Variants in A4GNT observed in about 807,000 individuals in gnomAD.
A4GNT encodes the protein alpha-1,4-N-acetylglucosaminyltransferase.
A4GNT carries 6 observed loss-of-function variants against 8.3 expected under a neutral mutation model. That is an observed-to-expected ratio of 0.72 (90% CI 0.39 to 1.42). The LOEUF is 1.42. Among genes scored for constraint, A4GNT ranks in the 40% most tolerant of loss-of-function variants. The pLI, the probability that A4GNT is intolerant of heterozygous loss-of-function variation, is 0.02. For missense variants in A4GNT, 377 were observed against 417.0 expected (o/e 0.90, Z 0.84); for synonymous variants, 157 against 159.8 (o/e 0.98, Z 0.13).
rs757747703 is a variant in A4GNT at position 138,124,247 on chromosome 3, G to A, written c.*17C>T. 1 of 1,603,572 alleles carries A rather than the reference G, an allele frequency of 6.2e-7. No individual in the cohort carries two copies. The highest frequency in any genetic ancestry group is 8.5e-7 in the Non-Finnish European group (1 of 1,173,318). On this transcript the variant is annotated 3_prime_UTR_variant, in exon 3 of 3. Transcript: ENST00000236709. ...TGTCCATTTCCACACTGCAGCAGCAGCAAACGAGTGTTAGCTTTATTTGTT... is the reference window on the plus strand; with the variant it reads ...TGTCCATTTCCACACTGCAGCAGCAACAAACGAGTGTTAGCTTTATTTGTT...
chr3:138,131,121 G>C lies in A4GNT; in HGVS notation c.136C>G (p.Leu46Val), dbSNP rs1249053967. 1 of 1,613,692 alleles carries C rather than the reference G, an allele frequency of 6.2e-7. No homozygotes were observed. Residue 46 changes from leucine (L) to valine (V), a missense_variant, in exon 2 of 3, where the codon CTG becomes GTG. Coordinates refer to ENST00000236709, the MANE Select transcript of A4GNT (RefSeq NM_016161.3). ...FKSHQGLEAL[L>V]SHRRGIVFLE... ...AACACAATGCCACGTCTGTGGCTCAGGAGGGCTTCCAGCCCCTGGTGGGAC... is the reference window on the plus strand; with the variant it reads ...AACACAATGCCACGTCTGTGGCTCACGAGGGCTTCCAGCCCCTGGTGGGAC...
Position 138,131,162 on chromosome 3 carries a change from C to G in A4GNT, c.95G>C (p.Cys32Ser). Residue 32 changes from cysteine to serine, a missense_variant, in exon 2 of 3, where the codon TGT becomes TCT. Coordinates refer to ENST00000236709, the MANE Select transcript of A4GNT (RefSeq NM_016161.3). Reference protein sequence around the residue: ...QFTLKSSCLFCLPSFKSHQGL... With the variant: ...QFTLKSSCLFSLPSFKSHQGL... ...CTGGTGGGACTTGAAAGAAGGCAAA[C>G]AGAAGAGGCAGCTGGACTTCAGGGT... 1 of 1,613,238 alleles carries G rather than the reference C, an allele frequency of 6.2e-7. No homozygotes were observed. The highest frequency in any genetic ancestry group is 1.1e-5 in the South Asian group (1 of 91,040).
chr3:138,128,195 C>G (rs1445767142), intron 2 of A4GNT, among the ~76,000 whole-genome samples: 1 of 151,982 alleles, frequency 6.6e-6, no homozygotes, highest in Non-Finnish European at 1.5e-5. Flanking sequence ...GCAGCTTCTC[C>G]CAAAATAATT....
rs776276585 is a variant in A4GNT, at chr3:138,131,054, G to T, written c.203C>A (p.Ser68Tyr). 3.5e-5 allele frequency: 57 copies of T among 1,613,930 alleles called. No homozygotes were observed. Among genetic ancestry groups the T allele is most frequent in the Non-Finnish European group, 4.8e-5 (57 of 1,179,946 alleles). ...SERMEPPHLV[S>Y]CSVESAAKIY... The stretch of plus-strand genomic sequence containing the variant: ...CTTGGCAGCAGACTCTACGGAACAG[G>T]AGACCAAATGGGGTGGCTCCATTCT... Residue 68 changes from serine to tyrosine, a missense_variant, in exon 2 of 3, where the codon TCC becomes TAC. Coordinates refer to ENST00000236709, the MANE Select transcript of A4GNT (RefSeq NM_016161.3).
chr3:138,130,763 C>A, intron 2 of A4GNT, 86 bp downstream of exon 2: 1 of 1,458,838 alleles, frequency 6.9e-7, no homozygotes, highest in African/African-American at 1.4e-5. Flanking sequence ...AATGTGGGTT[C>A]TATTCCCATC....
chr3:138,127,834 C>A (rs2042755052), intron 2 of A4GNT, among the ~76,000 whole-genome samples: 1 of 152,156 alleles, frequency 6.6e-6, no homozygotes, highest in Non-Finnish European at 1.5e-5. Context: ...AAGCACATGC[C>A]ACAGCTCAGT....
chr3:138,130,784 G>C, intron 2 of A4GNT, 65 bp downstream of exon 2: 1 of 1,549,330 alleles, frequency 6.5e-7, no homozygotes, highest in Non-Finnish European at 8.7e-7. Context: ...TCCGACCTGA[G>C]TCCTTACCCT....
At position 138,130,908 on chromosome 3, in the gene A4GNT, A is replaced by G. The variant is rs1296989341; in HGVS notation, c.349T>C (p.Phe117Leu). The G allele has an allele frequency of 6.2e-7, 1 of 1,614,198 alleles. No individual in the cohort carries two copies. ...FLSAIDNVFL[F>L]PLDMKRLLED... ...AGCAGCCTTTTCATATCCAAAGGGA[A>G]GAGGAAAACGTTGTCTATTGCTGAC... The change falls in exon 2 of 3, where the codon TTC (phenylalanine) becomes CTC (leucine). Residue 117 changes from phenylalanine to leucine, a missense_variant. By Grantham distance (22) the Phe-to-Leu change is conservative. Transcript: ENST00000236709.
At chr3:138,129,411 G>T (rs1403674705) in intron 2 of A4GNT, among the ~76,000 whole-genome samples, 1 of 152,122 alleles carries the variant, frequency 6.6e-6, no homozygotes, top group African/African-American at 2.4e-5. Context: ...GGAGTGAGGG[G>T]CTATTGGCCA....
At chr3:138,129,417 G>T (rs1221140753) in intron 2 of A4GNT, among the ~76,000 whole-genome samples, 2 of 152,128 alleles carry the variant, frequency 1.3e-5, no homozygotes, top group East Asian at 3.9e-4. Context: ...AGGGGCTATT[G>T]GCCAAGGAAT....
At chr3:138,132,799 C>A (rs1362099574), upstream of A4GNT, among the ~76,000 whole-genome samples, 2 of 152,100 alleles carry the variant, frequency 1.3e-5, no homozygotes, top group Non-Finnish European at 2.9e-5. Context: ...CCCATCACCA[C>A]AAATAAGCAA....
At chr3:138,132,565 A>G (rs2042784363), upstream of A4GNT, among the ~76,000 whole-genome samples, 1 of 152,176 alleles carries the variant, frequency 6.6e-6, no homozygotes, top group Non-Finnish European at 1.5e-5. Context: ...GGTTTACCAG[A>G]TTTTTAAGGT....
chr3:138,129,183 T>G (rs574929130), intron 2 of A4GNT, among the ~76,000 whole-genome samples: 13 of 151,948 alleles, frequency 8.6e-5, no homozygotes, highest in Non-Finnish European at 1.6e-4. Flanking sequence ...GTAGGCTAAA[T>G]AATGGCTACC....
At chr3:138,125,247 C>T (rs1037632850) in intron 2 of A4GNT, among the ~76,000 whole-genome samples, 1 of 151,974 alleles carries the variant, frequency 6.6e-6, no homozygotes, top group Non-Finnish European at 1.5e-5. Flanking sequence ...AAATATGTAA[C>T]TGTAGAGGAA....
chr3:138,124,116 A>C lies in A4GNT; in HGVS notation c.*148T>G. Reference sequence around the variant, plus strand: ...AGCCAGTATCATTTGGGATTTTTCTATTACAGACAGAGAAAGCTAATCCTA... The same window carrying C: ...AGCCAGTATCATTTGGGATTTTTCTCTTACAGACAGAGAAAGCTAATCCTA... On this transcript the variant is annotated 3_prime_UTR_variant, in exon 3 of 3. Transcript: ENST00000236709. 1 of 1,124,476 alleles carries C rather than the reference A, an allele frequency of 8.9e-7. No individual in the cohort carries two copies. Among genetic ancestry groups the C allele is most frequent in the Non-Finnish European group, 1.2e-6 (1 of 805,132 alleles). The allele number at this position is 1,124,476 out of a possible 1,614,324, so 69.7% of individuals were successfully genotyped here.
Position 138,124,172 on chromosome 3 carries a change from C to G in A4GNT, c.*92G>C, listed in dbSNP as rs1205526571. On this transcript the variant is annotated 3_prime_UTR_variant, in exon 3 of 3. Transcript: ENST00000236709. ...CATTTGAGAGGCAACCCTCTGCCCA[C>G]CCCGCCAAGAGACAGTGGAGATCAA... 2.0e-6 allele frequency: 3 copies of G among 1,503,048 alleles called. No individual in the cohort carries two copies. Among genetic ancestry groups the G allele is most frequent in the Non-Finnish European group, 2.7e-6 (3 of 1,121,360 alleles). The allele number at this position is 1,503,048 out of a possible 1,614,324, so 93.1% of individuals were successfully genotyped here.
intron 2 of A4GNT, among the ~76,000 whole-genome samples, chr3:138,129,666 A>C (rs920072750): frequency 6.6e-5 from 10 of 152,104 alleles, no homozygotes; most frequent in African/African-American, 1.9e-4. Flanking sequence ...CAATTTTACC[A>C]CCTTAGCCCA....
rs760133459 is a variant in A4GNT at position 138,124,121 on chromosome 3, A to C, written c.*143T>G. On this transcript the variant is annotated 3_prime_UTR_variant, in exon 3 of 3. Transcript: ENST00000236709. Reference sequence around the variant, plus strand: ...GTATCATTTGGGATTTTTCTATTACAGACAGAGAAAGCTAATCCTAACTGA... The same window carrying C: ...GTATCATTTGGGATTTTTCTATTACCGACAGAGAAAGCTAATCCTAACTGA... 8.6e-7 allele frequency: 1 copy of C among 1,168,060 alleles called. No homozygotes were observed. 72.4% of individuals were successfully genotyped at this position (1,168,060 alleles called of 1,614,324 possible). A position where few individuals can be genotyped will look rare whatever the true frequency, so the allele number is the denominator to read the frequency against.
intron 1 of A4GNT, 33 bp from the exon 2 acceptor site, chr3:138,131,315 G>C (rs568669886): frequency 1.4e-5 from 20 of 1,415,862 alleles, no homozygotes; most frequent in Non-Finnish European, 1.9e-5. Flanking sequence ...AAAAATCACA[G>C]CTGCAAAACC....
Sources: allele counts gnomAD v4.1 joint callset (sites outside exome capture counted in the v4.1 genomes callset), GRCh38; gene constraint gnomAD v4.1.1; transcripts MANE v1.5; gene names NCBI Gene and HGNC (gene_info 2026-07-23, HGNC 2026-07-21).